Variants in TRHDE observed in about 807,000 individuals in gnomAD.
TRHDE encodes the protein thyrotropin-releasing hormone-degrading ectoenzyme.
A neutral mutation model predicts 125.7 loss-of-function variants in TRHDE; 72 were observed. The observed-to-expected ratio is 0.57, with a 90% CI of 0.47 to 0.70. TRHDE has a LOEUF of 0.70. TRHDE is among the 30% of genes least tolerant of loss of function. TRHDE has a pLI of 0.00. For missense variants in TRHDE, 1,110 were observed against 1,327.1 expected, an observed-to-expected ratio of 0.84 and a Z score of 2.54; for synonymous variants, 509 against 509.1, an observed-to-expected ratio of 1.00 and a Z score of 0.00.
intron 3 of TRHDE, among the ~76,000 whole-genome samples, chr12:72,405,050 TATA>T (rs1173177671): frequency 6.6e-6 from 1 of 152,198 alleles, no homozygotes; most frequent in Non-Finnish European, 1.5e-5. Flanking sequence ...ACAGTATAAT[TATA>T]ATGATTATTT....
intron 2 of TRHDE, among the ~76,000 whole-genome samples, chr12:72,343,144 A>C (rs573024792): frequency 2.4e-4 from 37 of 152,222 alleles, no homozygotes; most frequent in Admixed American, 9.2e-4. Flanking sequence ...TATATTGATG[A>C]TGTCGACTTG....
chr12:72,599,335 C>T (rs1209560631), intron 12 of TRHDE, among the ~76,000 whole-genome samples: 1 of 152,066 alleles, frequency 6.6e-6, no homozygotes, highest in African/African-American at 2.4e-5. Context: ...ATTTATATTC[C>T]CTTCATCAGT....
In TRHDE at chr12:72,499,482, G is replaced by A. The variant is rs758184448; in HGVS notation, c.1585-16G>A. 5.8e-5 allele frequency: 94 copies of A among 1,612,358 alleles called. No homozygotes were observed. The highest frequency in any genetic ancestry group is 3.5e-4 in the Admixed American group (21 of 59,694). On this transcript the variant is annotated splice_polypyrimidine_tract_variant and intron_variant, in intron 5 of 18. Coordinates refer to ENST00000261180, the MANE Select transcript of TRHDE (RefSeq NM_013381.3). Reference sequence around the variant, plus strand: ...TATGAATCACCTATGATATTGCCCCGTCTGCTGTATTGCAGGAAAAGCAGA... The same window carrying A: ...TATGAATCACCTATGATATTGCCCCATCTGCTGTATTGCAGGAAAAGCAGA...
intron 2 of TRHDE, among the ~76,000 whole-genome samples, chr12:72,357,866 G>T (rs1006683201): frequency 2.0e-5 from 3 of 150,958 alleles, no homozygotes; most frequent in Admixed American, 1.3e-4. Context: ...TTTAAAAAAA[G>T]AAATACCAAG....
chr12:72,209,590 A>C (rs1474997481), intron 2 of TRHDE, among the ~76,000 whole-genome samples: 1 of 152,192 alleles, frequency 6.6e-6, no homozygotes, highest in Non-Finnish European at 1.5e-5. Flanking sequence ...ATGATTTTGG[A>C]TCATCTAATA....
chr12:72,424,777 G>C (rs1874113536), intron 3 of TRHDE, among the ~76,000 whole-genome samples: 1 of 151,930 alleles, frequency 6.6e-6, no homozygotes, highest in Admixed American at 6.6e-5. Context: ...AAGCTTTTGG[G>C]GGAAGAAGCA....
intron 2 of TRHDE, among the ~76,000 whole-genome samples, chr12:72,341,630 T>C (rs376622544): frequency 4.3e-4 from 66 of 152,026 alleles, no homozygotes; most frequent in African/African-American, 1.4e-3. Flanking sequence ...ATTGGATGAA[T>C]TGAAAGGAGT....
intron 2 of TRHDE, among the ~76,000 whole-genome samples, chr12:72,348,440 T>G (rs1360092753): frequency 1.3e-5 from 2 of 152,050 alleles, no homozygotes; most frequent in African/African-American, 4.8e-5. Context: ...CTGGGAGTCT[T>G]GCTATTTGAG....
chr12:72,651,258 C>T (rs193063465), intron 15 of TRHDE, among the ~76,000 whole-genome samples: 88 of 151,988 alleles, frequency 5.8e-4, no homozygotes, highest in African/African-American at 2.1e-3. Context: ...GGTATAGTGC[C>T]ACATATTCTG....
intron 6 of TRHDE, among the ~76,000 whole-genome samples, chr12:72,510,956 A>G (rs969247768): frequency 5.3e-5 from 8 of 152,190 alleles, no homozygotes; most frequent in Non-Finnish European, 1.0e-4. Flanking sequence ...TAATATGTGA[A>G]TGGTCGTTAT....
At position 72,520,482 on chromosome 12, in the gene TRHDE, G is replaced by A. The variant is rs533373293; in HGVS notation, c.1722+20847G>A. Among the ~76,000 whole-genome samples, 13 of 152,268 alleles carry A rather than the reference G, an allele frequency of 8.5e-5. No homozygotes were observed. The South Asian group carries it at 2.5e-3, about 29-fold the overall frequency. On this transcript the variant is annotated intron_variant, in intron 6 of 18. Coordinates refer to ENST00000261180, the MANE Select transcript of TRHDE (RefSeq NM_013381.3). ...CTTTGCGCTTCCTGAGTGAGGCAAT[G>A]CCTCGCCCTGCTTCTGCTTGCGCAC...
At chr12:72,238,706 C>T (rs2139379334) in intron 2 of TRHDE, among the ~76,000 whole-genome samples, 1 of 152,154 alleles carries the variant, frequency 6.6e-6, no homozygotes, top group South Asian at 2.1e-4. Context: ...ATCCATGTCC[C>T]TGCAAAAGAC....
chr12:72,408,605 A>G (rs1338255873), intron 3 of TRHDE, among the ~76,000 whole-genome samples: 1 of 152,206 alleles, frequency 6.6e-6, no homozygotes, highest in East Asian at 1.9e-4. Context: ...ACTTGATATT[A>G]TGATTATAGC....
chr12:72,517,776 G>A (rs1428099415), intron 6 of TRHDE, among the ~76,000 whole-genome samples: 1 of 150,232 alleles, frequency 6.7e-6, no homozygotes, highest in Admixed American at 6.6e-5. Context: ...TCTCTTGTGG[G>A]CATTTAGTGC....
intron 2 of TRHDE, among the ~76,000 whole-genome samples, chr12:72,216,732 T>C (rs916024089): frequency 3.3e-5 from 5 of 152,196 alleles, no homozygotes; most frequent in Non-Finnish European, 7.4e-5. Context: ...AATTACCATT[T>C]ACATTTCCTC....
At chr12:72,662,117 C>A (rs1874942406) in intron 18 of TRHDE, among the ~76,000 whole-genome samples, 3 of 152,172 alleles carry the variant, frequency 2.0e-5, no homozygotes, top group Non-Finnish European at 4.4e-5. Flanking sequence ...TGATACACTG[C>A]ATTTCCCTCC....
At chr12:72,562,747 T>G in intron 8 of TRHDE, 106 bp from the exon 9 acceptor site, 1 of 724,502 alleles carries the variant, frequency 1.4e-6, no homozygotes, top group Non-Finnish European at 2.1e-6. Flanking sequence ...CTTTAAATGT[T>G]TTCATATTTA....
chr12:72,425,985 A>G (rs1715362328), intron 3 of TRHDE, among the ~76,000 whole-genome samples: 1 of 152,240 alleles, frequency 6.6e-6, no homozygotes, highest in East Asian at 1.9e-4. Flanking sequence ...TGTTCATGCC[A>G]ATAAACCCTG....
At position 72,465,359 on chromosome 12, in the gene TRHDE, C is replaced by T. The variant is rs1184143970; in HGVS notation, c.1316-4399C>T. On this transcript the variant is annotated intron_variant, in intron 3 of 18. Coordinates refer to ENST00000261180, the MANE Select transcript of TRHDE (RefSeq NM_013381.3). ...CATCACTCCCAAAAGTTTCCCATCG[C>T]TATCTTCTAACTCCTCCCATCTTTG... Among the ~76,000 whole-genome samples, 4 of 152,266 alleles carry T rather than the reference C, an allele frequency of 2.6e-5. No homozygotes were observed. In the South Asian group the frequency reaches 8.3e-4, roughly 32 times the overall value.
Sources: gnomAD v4.1 joint callset for allele counts (sites outside exome capture counted in the v4.1 genomes callset) on GRCh38, gnomAD v4.1.1 for gene constraint, MANE v1.5 for transcripts, NCBI Gene and HGNC (gene_info 2026-07-23, HGNC 2026-07-21) for gene names.